EEFSEC: variants seen among roughly 807,000 people sequenced by gnomAD.
The protein encoded by EEFSEC is selenocysteine-specific elongation factor.
EEFSEC carries 43 observed loss-of-function variants against 42.1 expected under a neutral mutation model. The ratio of observed to expected loss-of-function variants is 1.02; its 90% CI spans 0.80 to 1.32. EEFSEC has a LOEUF of 1.32. EEFSEC is among the 40% of genes most tolerant of loss of function. The pLI, the probability that EEFSEC is intolerant of heterozygous loss-of-function variation, is 0.00. For missense variants in EEFSEC, 745 were observed against 803.6 expected (o/e 0.93, Z 0.88); for synonymous variants, 354 against 339.1 (o/e 1.04, Z -0.48).
At chr3:128,252,791 C>T (rs1239203662) in intron 2 of EEFSEC, among the ~76,000 whole-genome samples, 6 of 152,260 alleles carry the variant, frequency 3.9e-5, no homozygotes, top group African/African-American at 7.2e-5. Context: ...ACAGTCAGCA[C>T]GTCTAGGCCC....
intron 6 of EEFSEC, 93 bp downstream of exon 6, chr3:128,358,466 G>T (rs1390535804): frequency 6.5e-7 from 1 of 1,538,708 alleles, no homozygotes; most frequent in East Asian, 2.3e-5. Flanking sequence ...CTTGGCTTAG[G>T]TTCCTAATCC....
chr3:128,217,910 C>G (rs528664420), intron 1 of EEFSEC, among the ~76,000 whole-genome samples: 1 of 152,278 alleles, frequency 6.6e-6, no homozygotes, highest in East Asian at 1.9e-4. Context: ...CACTTGGCTG[C>G]ACAACTCTTT....
intron 1 of EEFSEC, among the ~76,000 whole-genome samples, chr3:128,206,341 G>C (rs1281273789): frequency 6.6e-6 from 1 of 152,176 alleles, no homozygotes; most frequent in Non-Finnish European, 1.5e-5. Context: ...GGAGGCATTT[G>C]ACCAATCATT....
intron 6 of EEFSEC, among the ~76,000 whole-genome samples, chr3:128,378,388 A>C (rs1433302670): frequency 2.6e-5 from 4 of 152,106 alleles, no homozygotes; most frequent in African/African-American, 9.7e-5. Context: ...CAGAGCCTTA[A>C]AAGAAGAGTC....
chr3:128,361,923 AAGGGTTGT>A (rs759369486), intron 6 of EEFSEC, among the ~76,000 whole-genome samples: 115 of 152,176 alleles, frequency 7.6e-4, no homozygotes, highest in Non-Finnish European at 1.5e-3. Flanking sequence ...TGTAATTCCC[AAGGGTTGT>A]AGGGTGGAGT....
intron 6 of EEFSEC, among the ~76,000 whole-genome samples, chr3:128,381,865 A>G (rs1010109870): frequency 1.3e-5 from 2 of 152,140 alleles, no homozygotes; most frequent in Non-Finnish European, 2.9e-5. Context: ...CTGCACAAAG[A>G]TGTTCCTTTC....
At chr3:128,330,448 G>A (rs969702189) in intron 4 of EEFSEC, among the ~76,000 whole-genome samples, 6 of 152,176 alleles carry the variant, frequency 3.9e-5, no homozygotes, top group South Asian at 2.1e-4. Context: ...ACAACAGAGC[G>A]CACAGGCACA....
intron 4 of EEFSEC, among the ~76,000 whole-genome samples, chr3:128,304,840 G>A (rs1054845305): frequency 7.9e-5 from 12 of 151,978 alleles, no homozygotes; most frequent in Non-Finnish European, 1.2e-4. Flanking sequence ...AGTAGCTGGG[G>A]CCACAGGCGT....
intron 6 of EEFSEC, among the ~76,000 whole-genome samples, chr3:128,383,618 C>T (rs1346065626): frequency 1.3e-5 from 2 of 152,210 alleles, no homozygotes; most frequent in Non-Finnish European, 1.5e-5. Flanking sequence ...CACTGGGTTT[C>T]CTGGAGGAGG....
At chr3:128,166,205 A>G (rs2065241306) in intron 1 of EEFSEC, among the ~76,000 whole-genome samples, 2 of 152,224 alleles carry the variant, frequency 1.3e-5, no homozygotes, top group South Asian at 4.1e-4. Context: ...TGCTTACAGC[A>G]CAGCCGTGTT....
chr3:128,326,532 G>A (rs1050614114), intron 4 of EEFSEC, among the ~76,000 whole-genome samples: 18 of 152,256 alleles, frequency 1.2e-4, no homozygotes, highest in African/African-American at 4.3e-4. Flanking sequence ...GCTTCCAGGT[G>A]TTGCTGGGGA....
intron 4 of EEFSEC, among the ~76,000 whole-genome samples, chr3:128,310,853 A>G (rs893165898): frequency 6.6e-6 from 1 of 152,220 alleles, no homozygotes; most frequent in Non-Finnish European, 1.5e-5. Flanking sequence ...CCACCTGGCA[A>G]GCAGGTCTGG....
At chr3:128,333,930 G>T (rs150602158) in intron 4 of EEFSEC, among the ~76,000 whole-genome samples, 2 of 152,220 alleles carry the variant, frequency 1.3e-5, no homozygotes, top group Admixed American at 6.5e-5. Context: ...CAGTCAGAAG[G>T]GGGTGTTCAT....
chr3:128,352,765 G>T (rs2067404055), intron 5 of EEFSEC, among the ~76,000 whole-genome samples: 1 of 152,224 alleles, frequency 6.6e-6, no homozygotes, highest in Admixed American at 6.5e-5. Context: ...CTGTTTACAA[G>T]TGCTCCCCAG....
At chr3:128,367,785 A>T (rs1222658931) in intron 6 of EEFSEC, 2 of 985,228 alleles carry the variant, frequency 2.0e-6, no homozygotes, top group Admixed American at 6.1e-5. Flanking sequence ...CAGCCCTCCA[A>T]AGAAACCAGC....
chr3:128,244,972 T>C (rs2066112246), intron 1 of EEFSEC, among the ~76,000 whole-genome samples: 1 of 152,162 alleles, frequency 6.6e-6, no homozygotes, highest in African/African-American at 2.4e-5. Flanking sequence ...TTTCAACCTG[T>C]CCCCTGCTGA....
chr3:128,405,582 A>G (rs1433764014), intron 6 of EEFSEC, among the ~76,000 whole-genome samples: 1 of 152,252 alleles, frequency 6.6e-6, no homozygotes, highest in East Asian at 1.9e-4. Flanking sequence ...CTGAGCCAGA[A>G]ATAACCCACA....
At chr3:128,255,025 C>G (rs57218533) in intron 2 of EEFSEC, among the ~76,000 whole-genome samples, 1 of 152,144 alleles carries the variant, frequency 6.6e-6, no homozygotes, top group Non-Finnish European at 1.5e-5. Flanking sequence ...ATTCAGAGGC[C>G]AGGGCAATGC....
chr3:128,153,688 C>G lies in EEFSEC; in HGVS notation c.181C>G (p.Pro61Ala), dbSNP rs746022054. The change falls in exon 1 of 7, where the codon CCC (proline) becomes GCC (alanine). Residue 61 changes from proline to alanine, a missense_variant. Pro to Ala is a conservative substitution (Grantham distance 27). Coordinates refer to ENST00000254730, the MANE Select transcript of EEFSEC (RefSeq NM_021937.5). ...CTTCTCGTGCTTCTCGGTGCCGCTGCCCGCGCGCCTGCGGTCGTCTTTGCC... is the reference window on the plus strand; with the variant it reads ...CTTCTCGTGCTTCTCGGTGCCGCTGGCCGCGCGCCTGCGGTCGTCTTTGCC... ...LGFSCFSVPL[P>A]ARLRSSLPEF... 1.3e-6 allele frequency: 2 copies of G among 1,592,282 alleles called. No individual in the cohort carries two copies. Among genetic ancestry groups the G allele is most frequent in the Admixed American group, 3.4e-5 (2 of 59,460 alleles).
Sources: gnomAD v4.1 joint callset for allele counts (sites outside exome capture counted in the v4.1 genomes callset) on GRCh38, gnomAD v4.1.1 for gene constraint, MANE v1.5 for transcripts, NCBI Gene and HGNC (gene_info 2026-07-23, HGNC 2026-07-21) for gene names.